STAC: variants seen among roughly 807,000 people sequenced by gnomAD.
STAC encodes SH3 and cysteine rich domain.
Under a neutral mutation model 48.8 loss-of-function variants are expected in STAC, and 43 were observed. The observed-to-expected ratio is 0.88, with a 90% confidence interval of 0.69 to 1.14. The LOEUF (loss-of-function observed/expected upper bound fraction) is 1.14. Among genes scored for constraint, STAC ranks in the 50% most tolerant of loss-of-function variants. STAC has a pLI of 0.00. For synonymous variants in STAC, 193 were observed against 179.5 expected (o/e 1.07, Z -0.60); for missense variants, 497 against 504.0 (o/e 0.99, Z 0.13).
chr3:36,414,250 G>C (rs1032932591), intron 1 of STAC, among the ~76,000 whole-genome samples: 1 of 152,080 alleles, frequency 6.6e-6, no homozygotes, highest in African/African-American at 2.4e-5. Flanking sequence ...AGTTCTCCTG[G>C]ATAATATCCT....
Position 36,443,489 on chromosome 3 carries a change from C to A in STAC, c.237C>A (p.Ile79=). Residue 79 remains isoleucine, a synonymous_variant, in exon 2 of 11, where the codon ATC becomes ATA. Transcript: ENST00000273183. The surrounding 1 kb of genome is among the most constrained non-coding windows in gnomAD (Gnocchi z 4.2). The stretch of plus-strand genomic sequence containing the variant: ...TGCAAGCACACATGGTGGCTGAGAT[C>A]AGCCCCAGCTCCAGCCCACTCCCTG... The part of the protein sequence containing the change: ...MKLQAHMVAE[I]SPSSSPLPAP... 6.2e-7 allele frequency: 1 copy of A among 1,614,252 alleles called. No individual in the cohort carries two copies. Among genetic ancestry groups the A allele is most frequent in the Non-Finnish European group, 8.5e-7 (1 of 1,180,050 alleles).
At chr3:36,528,339 G>A (rs1004334177) in intron 8 of STAC, among the ~76,000 whole-genome samples, 4 of 152,060 alleles carry the variant, frequency 2.6e-5, no homozygotes, top group Admixed American at 6.5e-5. Flanking sequence ...CATGGTGGCA[G>A]ATGCCTGTAA....
Position 36,456,550 on chromosome 3 carries a change from G to A in STAC, c.388+12910G>A, listed in dbSNP as rs78741942. On this transcript the variant is annotated intron_variant, in intron 2 of 10. Coordinates refer to ENST00000273183, the MANE Select transcript of STAC (RefSeq NM_003149.3). The stretch of plus-strand genomic sequence containing the variant: ...TGCTGTATAGGGACCATGCGAAGCT[G>A]CTGTGGGCCTCCCTGCTGTCTGGAG... Among the ~76,000 whole-genome samples, 999 of 152,220 alleles carry A rather than the reference G, an allele frequency of 6.6e-3. 15 individuals are homozygous for A. The highest frequency in any genetic ancestry group is 0.022 in the African/African-American group (914 of 41,518).
intron 2 of STAC, among the ~76,000 whole-genome samples, chr3:36,462,731 T>C (rs1433854602): frequency 3.3e-5 from 5 of 152,228 alleles, no homozygotes; most frequent in Non-Finnish European, 7.3e-5. Context: ...ACTGTGGCAC[T>C]TAGCCAAGTG....
intron 2 of STAC, among the ~76,000 whole-genome samples, chr3:36,474,439 T>C (rs1049976330): frequency 2.6e-5 from 4 of 152,216 alleles, no homozygotes; most frequent in African/African-American, 9.6e-5. Context: ...GACCCACAGA[T>C]GCCCTTTCAC....
At chr3:36,482,317 T>C (rs1390813507) in intron 2 of STAC, among the ~76,000 whole-genome samples, 2 of 152,232 alleles carry the variant, frequency 1.3e-5, no homozygotes, top group Non-Finnish European at 2.9e-5. Flanking sequence ...TGCTCCTGCC[T>C]TGGGCCTTTG....
At chr3:36,483,894 T>A (rs990409454) in intron 3 of STAC, among the ~76,000 whole-genome samples, 10 of 152,224 alleles carry the variant, frequency 6.6e-5, no homozygotes, top group Non-Finnish European at 1.3e-4. Flanking sequence ...GAGGTTTCAG[T>A]AAGCCATTAT....
At chr3:36,524,125 T>TGG (rs1698871266) in intron 8 of STAC, among the ~76,000 whole-genome samples, 1 of 152,064 alleles carries the variant, frequency 6.6e-6, no homozygotes, top group African/African-American at 2.4e-5. Flanking sequence ...ATGTCCCACA[T>TGG]TATCTAGTAC....
At chr3:36,494,101 G>A (rs571309814) in intron 6 of STAC, among the ~76,000 whole-genome samples, 110 of 139,186 alleles carry the variant, frequency 7.9e-4, no homozygotes, top group African/African-American at 2.6e-3. Flanking sequence ...GCAGTGAGCC[G>A]AGATCGCGCC....
chr3:36,464,971 G>A (rs1697125198), intron 2 of STAC, among the ~76,000 whole-genome samples: 1 of 151,996 alleles, frequency 6.6e-6, no homozygotes, highest in African/African-American at 2.4e-5. Flanking sequence ...TTTCCTCAGG[G>A]TAAATAGCCA....
chr3:36,426,682 C>A (rs1331182271), intron 1 of STAC, among the ~76,000 whole-genome samples: 4 of 151,834 alleles, frequency 2.6e-5, no homozygotes, highest in Admixed American at 6.6e-5. Flanking sequence ...CAAGTTCTAA[C>A]CCCCTACTAA....
At chr3:36,450,684 C>G (rs1458366354) in intron 2 of STAC, among the ~76,000 whole-genome samples, 1 of 152,146 alleles carries the variant, frequency 6.6e-6, no homozygotes, top group Non-Finnish European at 1.5e-5. Context: ...CGCCACCATG[C>G]CTGGCTAACT....
chr3:36,412,483 A>T (rs1161578215), intron 1 of STAC, among the ~76,000 whole-genome samples: 1 of 152,158 alleles, frequency 6.6e-6, no homozygotes, highest in Non-Finnish European at 1.5e-5. Flanking sequence ...TGGGTATACA[A>T]CTAAAAGAGT....
At chr3:36,427,086 G>A (rs900007891) in intron 1 of STAC, among the ~76,000 whole-genome samples, 2 of 152,136 alleles carry the variant, frequency 1.3e-5, no homozygotes, top group African/African-American at 4.8e-5. Flanking sequence ...AATGAACTGT[G>A]GTCTGTTCTT....
intron 2 of STAC, among the ~76,000 whole-genome samples, chr3:36,446,478 CAGTT>C (rs1559494621): frequency 6.6e-6 from 1 of 152,198 alleles, no homozygotes; most frequent in Non-Finnish European, 1.5e-5. Flanking sequence ...CCTTGACAAT[CAGTT>C]AGGGGTGGGA....
intron 2 of STAC, among the ~76,000 whole-genome samples, chr3:36,463,370 A>T (rs1697072634): frequency 6.6e-6 from 1 of 152,026 alleles, no homozygotes; most frequent in Non-Finnish European, 1.5e-5. Flanking sequence ...CCTTTGATGG[A>T]ATATATTGGA....
rs1219083059 is a variant in STAC at position 36,547,985 on chromosome 3, T to C, written c.*1696T>C. 6.6e-6 allele frequency: 1 copy of C among 152,016 alleles called. No homozygotes were observed. Among genetic ancestry groups the C allele is most frequent in the South Asian group, 2.1e-4 (1 of 4,810 alleles). 9.4% of individuals were successfully genotyped at this position (152,016 alleles called of 1,614,324 possible). A position where few individuals can be genotyped will look rare whatever the true frequency, so the allele number is the denominator to read the frequency against. On this transcript the variant is annotated 3_prime_UTR_variant, in exon 11 of 11. Transcript: ENST00000273183. ...ATTCCATTTAATAAAAACAATACAG[T>C]GGCTGGAAAGGAGCATCAGAAACAT... is the stretch of plus-strand genomic sequence containing the variant.
intron 2 of STAC, among the ~76,000 whole-genome samples, chr3:36,466,468 T>C (rs182372288): frequency 4.6e-5 from 7 of 152,372 alleles, no homozygotes; most frequent in South Asian, 2.1e-4. Context: ...GGGAATTGCA[T>C]TGAATTTATA....
chr3:36,536,875 A>G (rs1159996796), intron 10 of STAC, among the ~76,000 whole-genome samples: 1 of 152,128 alleles, frequency 6.6e-6, no homozygotes, highest in Non-Finnish European at 1.5e-5. Context: ...ACCCCAATAA[A>G]AAGTGGGCAA....
Sources: allele counts gnomAD v4.1 joint callset (sites outside exome capture counted in the v4.1 genomes callset), GRCh38; gene constraint gnomAD v4.1.1; non-coding constraint Gnocchi (gnomAD v3.1); transcripts MANE v1.5; gene names NCBI Gene and HGNC (gene_info 2026-07-23, HGNC 2026-07-21).